The following XRN2 variants were observed in gnomAD, a reference collection of about 807,000 sequenced individuals.
The protein encoded by XRN2 is 5'-3' exoribonuclease 2, also known as DHM1-like protein.
In XRN2, 44 loss-of-function variants were observed where a neutral mutation model predicts 138.5. The ratio of observed to expected loss-of-function variants is 0.32; its 90% confidence interval spans 0.25 to 0.41. The LOEUF (loss-of-function observed/expected upper bound fraction) is 0.41, where lower values mean the gene tolerates loss of function less well. Ranked by LOEUF, XRN2 falls within the 10% of genes least tolerant of loss-of-function variation. The pLI, the probability that XRN2 is intolerant of heterozygous loss-of-function variation, is 1.00. For missense variants in XRN2, 937 were observed against 1,169.3 expected (o/e 0.80, Z 2.90); for synonymous variants, 354 against 369.4 (o/e 0.96, Z 0.48).
chr20:21,381,357 C>CTAT (rs1309762353), intron 27 of XRN2, among the ~76,000 whole-genome samples: 1 of 152,126 alleles, frequency 6.6e-6, no homozygotes, highest in Non-Finnish European at 1.5e-5. Flanking sequence ...CATCCTATAT[C>CTAT]CGTCAGTTTA....
Position 21,303,358 on chromosome 20 carries a change from C to A in XRN2, c.-41C>A. The stretch of plus-strand genomic sequence containing the variant: ...CGCTGCTCCCGTCTCTTTGGTTACG[C>A]TCGTCAGCCGGTCGGCCGCCGCCTC... On this transcript the variant is annotated 5_prime_UTR_variant, in exon 1 of 30. Coordinates refer to ENST00000377191, the MANE Select transcript of XRN2 (RefSeq NM_012255.5). 3 of 1,540,338 alleles carry A rather than the reference C, an allele frequency of 1.9e-6. No homozygotes were observed. The highest frequency in any genetic ancestry group is 1.7e-6 in the Non-Finnish European group (2 of 1,143,272).
rs1410165662 is a variant in XRN2, at chr20:21,356,105, T to C, written c.2046T>C (p.Asp682=). The C allele has an allele frequency of 6.2e-7, 1 of 1,612,902 alleles. No individual in the cohort carries two copies. Among genetic ancestry groups the C allele is most frequent in the South Asian group, 1.1e-5 (1 of 90,980 alleles). ...EETRRNSLGG[D]VLFVGKHHPL... ...CCAGAAGAAACAGCCTTGGAGGTGA[T>C]GTCTTATTTGTGGGGAAACATCACC... Residue 682 remains aspartate (D), a synonymous_variant, in exon 22 of 30, where the codon GAT becomes GAC. Transcript: ENST00000377191.
chr20:21,329,527 A>C (rs768839974), intron 4 of XRN2, among the ~76,000 whole-genome samples: 4 of 152,216 alleles, frequency 2.6e-5, no homozygotes, highest in Non-Finnish European at 5.9e-5. Context: ...AATTACAATA[A>C]ATTTTATATT....
At chr20:21,347,781 C>A (rs960732732) in intron 17 of XRN2, among the ~76,000 whole-genome samples, 1 of 152,144 alleles carries the variant, frequency 6.6e-6, no homozygotes, top group Admixed American at 6.5e-5. Flanking sequence ...TCTGCTGTGA[C>A]TGCTTTTGGT....
intron 26 of XRN2, among the ~76,000 whole-genome samples, chr20:21,367,132 C>G (rs1182592725): frequency 6.6e-6 from 1 of 152,074 alleles, no homozygotes; most frequent in Admixed American, 6.6e-5. Context: ...CTGAAATTAT[C>G]TTTTAATATG....
chr20:21,359,202 G>C (rs1233544714), intron 24 of XRN2, among the ~76,000 whole-genome samples: 1 of 152,096 alleles, frequency 6.6e-6, no homozygotes, highest in East Asian at 1.9e-4. Flanking sequence ...AGGGGCCTTT[G>C]GTATTTAGTA....
chr20:21,381,099 CT>C (rs2038877958), intron 27 of XRN2, among the ~76,000 whole-genome samples: 1 of 151,950 alleles, frequency 6.6e-6, no homozygotes, highest in East Asian at 2.0e-4. Context: ...TTCAACTCTT[CT>C]TTTCTTTAAG....
intron 20 of XRN2, among the ~76,000 whole-genome samples, chr20:21,350,563 C>T (rs894440971): frequency 1.3e-4 from 18 of 139,398 alleles, no homozygotes; most frequent in Non-Finnish European, 2.6e-4. Flanking sequence ...AGAAATATCT[C>T]TTACACAGTA....
chr20:21,326,748 TG>T (rs1340279330), intron 3 of XRN2, 147 bp downstream of exon 3: 2 of 683,094 alleles, frequency 2.9e-6, no homozygotes, highest in African/African-American at 1.8e-5. Context: ...TTCATTCAGA[TG>T]TTTTTTTGTG....
chr20:21,348,252 C>A lies in XRN2; in HGVS notation c.1772C>A (p.Pro591Gln). 1 of 1,613,344 alleles carries A rather than the reference C, an allele frequency of 6.2e-7. No individual in the cohort carries two copies. Among genetic ancestry groups the A allele is most frequent in the South Asian group, 1.1e-5 (1 of 90,856 alleles). The change falls in exon 18 of 30, where the codon CCG becomes CAG. Residue 591 changes from proline to glutamine, a missense_variant and splice_region_variant. Transcript: ENST00000377191. ...TCTGATTTTGAGAAGGGTACGAAAC[C>A]GGTAAGCTTAATTACTTAAAGTCAT... is the stretch of plus-strand genomic sequence containing the variant. ...MPSDFEKGTK[P>Q]FKPLEQLMGV...
intron 24 of XRN2, among the ~76,000 whole-genome samples, chr20:21,363,993 G>A (rs1270188127): frequency 6.6e-6 from 1 of 151,964 alleles, no homozygotes; most frequent in Non-Finnish European, 1.5e-5. Context: ...GTGCAGTGGT[G>A]TGGTCTTGGC....
chr20:21,343,605 C>T (rs2122240035), intron 15 of XRN2, among the ~76,000 whole-genome samples: 1 of 150,302 alleles, frequency 6.7e-6, no homozygotes, highest in South Asian at 2.1e-4. Context: ...TATATTATTA[C>T]ATCTATATTA....
intron 21 of XRN2, among the ~76,000 whole-genome samples, chr20:21,355,375 G>A (rs2038563564): frequency 6.6e-6 from 1 of 152,118 alleles, no homozygotes. Context: ...TTCGGAAATT[G>A]CAAAGCTGGG....
intron 1 of XRN2, among the ~76,000 whole-genome samples, chr20:21,307,469 G>A (rs1243045154): frequency 1.3e-5 from 1 of 75,746 alleles, no homozygotes; most frequent in African/African-American, 3.6e-5. Flanking sequence ...CCAACCTTTG[G>A]TGTTTTTGCA....
chr20:21,356,519 C>T, intron 22 of XRN2, 67 bp from the exon 23 acceptor site: 3 of 1,453,196 alleles, frequency 2.1e-6, no homozygotes, highest in Non-Finnish European at 2.9e-6. Context: ...TATGAACACT[C>T]AAGAATCTGC....
chr20:21,353,303 G>A (rs1434191022), intron 20 of XRN2, among the ~76,000 whole-genome samples: 1 of 144,380 alleles, frequency 6.9e-6, no homozygotes, highest in South Asian at 2.2e-4. Context: ...GCTAGATGAT[G>A]CTGTAGTTTC....
Position 21,333,528 on chromosome 20 carries a change from A to C in XRN2, c.859-16A>C. The C allele has an allele frequency of 6.2e-7, 1 of 1,610,174 alleles. No homozygotes were observed. The highest frequency in any genetic ancestry group is 8.5e-7 in the Non-Finnish European group (1 of 1,176,566). ...CGTAGAGTAGACTTGTTTCATCTTC[A>C]TTCCTGTTCTTGCAGCATGATGAAC... is the stretch of plus-strand genomic sequence containing the variant. On this transcript the variant is annotated splice_polypyrimidine_tract_variant and intron_variant, in intron 9 of 29. Coordinates refer to ENST00000377191, the MANE Select transcript of XRN2 (RefSeq NM_012255.5).
At chr20:21,372,929 C>G (rs564661203) in intron 27 of XRN2, among the ~76,000 whole-genome samples, 1 of 152,238 alleles carries the variant, frequency 6.6e-6, no homozygotes, top group African/African-American at 2.4e-5. Context: ...TACATGACTA[C>G]CCTTTTAAAA....
chr20:21,315,001 C>T (rs200033920), intron 1 of XRN2, among the ~76,000 whole-genome samples: 4 of 152,120 alleles, frequency 2.6e-5, no homozygotes, highest in East Asian at 1.9e-4. Context: ...ACTTACATGG[C>T]GGGAGAGGAA....
Sources: gnomAD v4.1 joint callset for allele counts (sites outside exome capture counted in the v4.1 genomes callset) on GRCh38, gnomAD v4.1.1 for gene constraint, MANE v1.5 for transcripts, NCBI Gene and HGNC (gene_info 2026-07-23, HGNC 2026-07-21) for gene names.